Variants in FLT4 observed in about 807,000 individuals in gnomAD.
FLT4 encodes the protein fms related receptor tyrosine kinase 4, also known as vascular endothelial growth factor receptor 3.
A neutral mutation model predicts 163.2 loss-of-function variants in FLT4; 30 were observed. The observed-to-expected ratio is 0.18, with a 90% confidence interval of 0.14 to 0.25. The LOEUF (loss-of-function observed/expected upper bound fraction) is 0.25. FLT4 is among the 10% of genes least tolerant of loss of function. FLT4 has a pLI of 1.00. For missense variants in FLT4, 1,510 were observed against 1,863.8 expected, an observed-to-expected ratio of 0.81 and a Z score of 3.50; for synonymous variants, 884 against 789.5, an observed-to-expected ratio of 1.12 and a Z score of -2.01.
intron 1 of FLT4, among the ~76,000 whole-genome samples, chr5:180,634,829 G>A (rs1386416419): frequency 1.5e-5 from 1 of 68,410 alleles, no homozygotes; most frequent in Non-Finnish European, 2.8e-5. Flanking sequence ...TGGGTGGGTG[G>A]GAGGATGGAT....
chr5:180,630,592 C>G lies in FLT4; in HGVS notation c.363G>C (p.Glu121Asp), dbSNP rs369887752. ...CGTAGGAGCTGGCGGCCGTGGTGCCCTCGATGCGTGCCTTGATGTACTTGT... is the reference window on the plus strand; with the variant it reads ...CGTAGGAGCTGGCGGCCGTGGTGCCGTCGATGCGTGCCTTGATGTACTTGT... The part of the protein sequence containing the change: ...CYYKYIKARI[E>D]GTTAASSYVF... The change falls in exon 3 of 30, where the codon GAG becomes GAC. Residue 121 changes from glutamate to aspartate, a missense_variant. By Grantham distance (45) the Glu-to-Asp change is conservative (BLOSUM62 2). Around this residue, in one of 5 missense-constraint regions of FLT4, gnomAD observed 157 missense variants for 178.7 expected, o/e 0.88. Transcript: ENST00000261937. The surrounding 1 kb of genome is among the most constrained non-coding windows in gnomAD (Gnocchi z 6.3). The G allele has an allele frequency of 1.2e-6, 2 of 1,612,920 alleles. No homozygotes were observed. Among genetic ancestry groups the G allele is most frequent in the African/African-American group, 2.7e-5 (2 of 74,918 alleles).
chr5:180,604,108 A>C (rs1581598679), intron 29 of FLT4, among the ~76,000 whole-genome samples: 2 of 152,126 alleles, frequency 1.3e-5, no homozygotes, highest in East Asian at 1.9e-4. Context: ...GACTTCAGAA[A>C]ACACACACAG....
In FLT4 at chr5:180,636,307, C is replaced by T. The variant is rs1430237255; in HGVS notation, c.59-4529G>A. On this transcript the variant is annotated intron_variant, in intron 1 of 29. Coordinates refer to ENST00000261937, the MANE Select transcript of FLT4 (RefSeq NM_182925.5). This position sits in a 1 kb window ranked among gnomAD's most constrained non-coding sequence, Gnocchi z 4.3. ...ACTTTGCTGTAGACCTCACTGTCCA[C>T]TCCGAATGTCCCTTCCTGCCTTATG... Among the ~76,000 whole-genome samples, 1 of 152,118 alleles carries T rather than the reference C, an allele frequency of 6.6e-6. No individual in the cohort carries two copies. Among genetic ancestry groups the T allele is most frequent in the Non-Finnish European group, 1.5e-5 (1 of 67,994 alleles).
In FLT4 at chr5:180,625,880, G is replaced by A. The variant is rs973918690; in HGVS notation, c.1410C>T (p.Ala470=). ...WRPWTPCKMF[A]QRSLRRRQQQ... ...GGAGCTGTACTCACAGACTACGCTG[G>A]GCAAACATCTTGCAGGGTGTCCAGG... is the stretch of plus-strand genomic sequence containing the variant. Residue 470 remains alanine, a synonymous_variant, in exon 10 of 30, where the codon GCC becomes GCT. Transcript: ENST00000261937. 11 of 1,611,686 alleles carry A rather than the reference G, an allele frequency of 6.8e-6. No individual in the cohort carries two copies. Among genetic ancestry groups the A allele is most frequent in the African/African-American group, 2.7e-5 (2 of 75,008 alleles).
In FLT4 at chr5:180,620,872, A is replaced by T. The variant is rs2127813116; in HGVS notation, c.2299+4T>A. On this transcript the variant is annotated splice_donor_region_variant and intron_variant, in intron 15 of 29. Coordinates refer to ENST00000261937, the MANE Select transcript of FLT4 (RefSeq NM_182925.5). The surrounding 1 kb of genome is among the most constrained non-coding windows in gnomAD (Gnocchi z 4.4). ...GAGTTGAGGGGTGCAGCCTGAGGCC[A>T]GACCTTCCACGGCCACGCTGGCGGA... 6.2e-7 allele frequency: 1 copy of T among 1,609,818 alleles called. No homozygotes were observed. Among genetic ancestry groups the T allele is most frequent in the Non-Finnish European group, 8.5e-7 (1 of 1,178,814 alleles).
In FLT4 at chr5:180,620,102, TC is replaced by T; in HGVS notation, c.2542+70del. ...GTGCAAGTTTTGAAAATGGAGGGAT[TC>T]AGGCACTCCGGCCTGCAGCAGGTGG... On this transcript the variant is annotated intron_variant, in intron 17 of 29. Coordinates refer to ENST00000261937, the MANE Select transcript of FLT4 (RefSeq NM_182925.5). This position sits in a 1 kb window ranked among gnomAD's most constrained non-coding sequence, Gnocchi z 4.4. 6.5e-7 allele frequency: 1 copy of T among 1,550,334 alleles called. No homozygotes were observed. Among genetic ancestry groups the T allele is most frequent in the East Asian group, 2.3e-5 (1 of 44,380 alleles).
Position 180,620,928 on chromosome 5 carries a change from G to A in FLT4, c.2247C>T (p.Ser749=), listed in dbSNP as rs774298473. ...REEDAGRYLC[S]VCNAKGCVNS... is the part of the protein sequence containing the mutation. ...TGACGCAGCCCTTGGCGTTGCACAC[G>A]CTGCACAGATAGCGTCCCGCATCCT... The change falls in exon 15 of 30, where the codon AGC becomes AGT. Residue 749 remains serine (S), a synonymous_variant. Coordinates refer to ENST00000261937, the MANE Select transcript of FLT4 (RefSeq NM_182925.5). This position sits in a 1 kb window ranked among gnomAD's most constrained non-coding sequence, Gnocchi z 4.4. 4.3e-6 allele frequency: 7 copies of A among 1,610,542 alleles called. No individual in the cohort carries two copies. The highest frequency in any genetic ancestry group is 3.3e-5 in the Admixed American group (2 of 59,784).
At chr5:180,615,442 G>C (rs1455304950) in intron 23 of FLT4, among the ~76,000 whole-genome samples, 3 of 10,158 alleles carry the variant, frequency 3.0e-4, no homozygotes, top group East Asian at 2.0e-3. Context: ...GGAGCACTGG[G>C]CCCGCCGGTC....
chr5:180,619,807 G>A (rs372133282), intron 17 of FLT4, 38 bp from the exon 18 acceptor site: 2 of 1,505,558 alleles, frequency 1.3e-6, no homozygotes, highest in African/African-American at 1.4e-5. Context: ...TGAGCTGTAC[G>A]GGGTGAGCGT....
At chr5:180,612,371 G>A (rs1762279878) in intron 26 of FLT4, 135 bp downstream of exon 26, 4 of 731,716 alleles carry the variant, frequency 5.5e-6, no homozygotes, top group African/African-American at 1.7e-5. Flanking sequence ...GTGGATAGGG[G>A]CCCAGGACCC....
chr5:180,631,220 TC>T (rs1764102981), intron 2 of FLT4, among the ~76,000 whole-genome samples: 2 of 152,026 alleles, frequency 1.3e-5, no homozygotes, highest in Admixed American at 1.3e-4. Flanking sequence ...ACGCCTGTAA[TC>T]CCAGCACTTT....
chr5:180,616,891 G>A lies in FLT4; in HGVS notation c.3096+9C>T. 1.2e-6 allele frequency: 2 copies of A among 1,610,182 alleles called. No homozygotes were observed. The highest frequency in any genetic ancestry group is 2.2e-5 in the East Asian group (1 of 44,848). On this transcript the variant is annotated intron_variant, in intron 22 of 29. Transcript: ENST00000261937. ...TTTCCCGTCTGAAGGGCCTTCGGGG[G>A]AAGCTCACCTTTCGGGAAGCCAGGA...
rs1446896722 is a variant in FLT4 at position 180,603,390 on chromosome 5, G to A, written c.3894C>T (p.Ser1298=). 4 of 1,613,606 alleles carry A rather than the reference G, an allele frequency of 2.5e-6. No homozygotes were observed. The highest frequency in any genetic ancestry group is 3.4e-6 in the Non-Finnish European group (4 of 1,179,824). The change falls in exon 30 of 30, where the codon AGC becomes AGT. Residue 1298 remains serine (S), a splice_region_variant and synonymous_variant. Coordinates refer to ENST00000261937, the MANE Select transcript of FLT4 (RefSeq NM_182925.5). ...CCACATTCTGGCCAGGTCCTTTACA[G>A]CTGCCAAGACAGGGAAGGTGGTGTT... ...ESRHRQESGF[S]CKGPGQNVAV...
intron 8 of FLT4, among the ~76,000 whole-genome samples, chr5:180,626,778 G>A (rs187255512): frequency 2.6e-5 from 4 of 152,228 alleles, no homozygotes; most frequent in Admixed American, 6.5e-5. Context: ...TGACATGTGC[G>A]TGGCCCCTGC....
intron 29 of FLT4, among the ~76,000 whole-genome samples, chr5:180,604,140 G>A (rs538243476): frequency 5.8e-4 from 88 of 152,156 alleles, no homozygotes; most frequent in African/African-American, 2.0e-3. Context: ...ACAGCAAAGC[G>A]GATCGATCTG....
At position 180,608,270 on chromosome 5, in the gene FLT4, C is replaced by G. The variant is rs770195266; in HGVS notation, c.3893+698G>C. 1.3e-5 allele frequency: 9 copies of G among 700,750 alleles called. No individual in the cohort carries two copies. The African/African-American group carries it at 1.6e-4, about 12-fold the overall frequency. 43.4% of individuals were successfully genotyped at this position (700,750 alleles called of 1,614,324 possible). ...TGCTGACGTATGCTGCCTTCTCTCT[C>G]TCTGCTTCAGCTACCTAAGAGGGAA... is the stretch of plus-strand genomic sequence containing the variant. On this transcript the variant is annotated intron_variant, in intron 29 of 29. Transcript: ENST00000261937.
intron 1 of FLT4, 110 bp from the exon 2 acceptor site, chr5:180,631,888 G>T: frequency 1.3e-6 from 1 of 774,014 alleles, no homozygotes; most frequent in Non-Finnish European, 2.2e-6. Flanking sequence ...CAGGGCCGGA[G>T]CAGCTCAGGT....
Position 180,620,477 on chromosome 5 carries a change from AG to A in FLT4, c.2406+131del. ...TCTGCGGGGTTGGAGCCCAGCGTGA[AG>A]GGCAGGGAGGCTTCCCAGGAAACAA... On this transcript the variant is annotated intron_variant, in intron 16 of 29. Transcript: ENST00000261937. This position sits in a 1 kb window ranked among gnomAD's most constrained non-coding sequence, Gnocchi z 4.4. The A allele has an allele frequency of 8.5e-7, 1 of 1,179,796 alleles. No homozygotes were observed. 73.1% of individuals were successfully genotyped at this position (1,179,796 alleles called of 1,614,324 possible).
At chr5:180,619,460 GC>G in intron 18 of FLT4, 94 bp from the exon 19 acceptor site, 2 of 1,074,514 alleles carry the variant, frequency 1.9e-6, no homozygotes, top group Non-Finnish European at 1.4e-6. Flanking sequence ...GTTACTAAGG[GC>G]CCCCAGGACA....
Sources: gnomAD v4.1 joint callset for allele counts (sites outside exome capture counted in the v4.1 genomes callset) on GRCh38, gnomAD v4.1.1 for gene constraint, gnomAD v4.1.1 regional missense constraint, Gnocchi (gnomAD v3.1) non-coding constraint, MANE v1.5 for transcripts, NCBI Gene and HGNC (gene_info 2026-07-23, HGNC 2026-07-21) for gene names.